Variants in PALM2AKAP2 observed in about 807,000 individuals in gnomAD.
PALM2AKAP2 encodes PALM2 and AKAP2 fusion.
Under a neutral mutation model 71.5 loss-of-function variants are expected in PALM2AKAP2, and 37 were observed. The observed-to-expected ratio is 0.52, with a 90% CI of 0.40 to 0.68. The LOEUF (loss-of-function observed/expected upper bound fraction) is 0.68, where lower values mean the gene tolerates loss of function less well. Among genes scored for constraint, PALM2AKAP2 ranks in the 30% least tolerant of loss-of-function variants. PALM2AKAP2 has a pLI of 0.00. For missense variants in PALM2AKAP2, 1,224 were observed against 1,191.8 expected (o/e 1.03, Z -0.40); for synonymous variants, 468 against 478.8 (o/e 0.98, Z 0.29).
At chr9:109,985,990 A>G (rs1685777144) in intron 6 of PALM2AKAP2, among the ~76,000 whole-genome samples, 1 of 152,160 alleles carries the variant, frequency 6.6e-6, no homozygotes, top group African/African-American at 2.4e-5. Flanking sequence ...CTCCCAGTTA[A>G]TCTGACATCT....
intron 1 of PALM2AKAP2, among the ~76,000 whole-genome samples, chr9:110,098,624 T>TA (rs1219148835): frequency 5.3e-5 from 8 of 151,132 alleles, no homozygotes; most frequent in Admixed American, 5.2e-4. Flanking sequence ...GAGATAGTTC[T>TA]AGAACTCAAG....
chr9:109,972,816 T>C (rs1287394220), intron 6 of PALM2AKAP2, among the ~76,000 whole-genome samples: 1 of 152,220 alleles, frequency 6.6e-6, no homozygotes, highest in Admixed American at 6.5e-5. Flanking sequence ...CTATATCTCC[T>C]GCACAATTGC....
At chr9:109,957,386 G>A (rs1386190498) in intron 6 of PALM2AKAP2, among the ~76,000 whole-genome samples, 1 of 152,186 alleles carries the variant, frequency 6.6e-6, no homozygotes, top group Non-Finnish European at 1.5e-5. Context: ...TGCCTCCTGG[G>A]CGTTAGCAAG....
At position 110,091,678 on chromosome 9, in the gene PALM2AKAP2, G is replaced by A. The variant is rs192145921; in HGVS notation, c.156+42823G>A. On this transcript the variant is annotated intron_variant, in intron 1 of 3. Transcript: ENST00000374525. Reference sequence around the variant, plus strand: ...GGGGTTTCACCGTGTTAGCCAGGATGGTCTTGATCTCCTGACCTCATGATC... The same window carrying A: ...GGGGTTTCACCGTGTTAGCCAGGATAGTCTTGATCTCCTGACCTCATGATC... 3.2e-3 allele frequency among the ~76,000 whole-genome samples: 493 copies of A among 152,030 alleles called. 1 individual carries two copies. Among genetic ancestry groups the A allele is most frequent in the Admixed American group, 6.6e-3 (101 of 15,292 alleles).
rs138862194 is a variant in PALM2AKAP2 at position 110,167,084 on chromosome 9, A to T, written c.2749-1315A>T. ...GGGAACTGCCCTTTATAAAACCATC[A>T]GGTCTGGTGAGACTTATTCACTATC... On this transcript the variant is annotated intron_variant, in intron 3 of 3. Coordinates refer to ENST00000374525, the Ensembl canonical transcript of PALM2AKAP2. 2.0e-3 allele frequency among the ~76,000 whole-genome samples: 312 copies of T among 152,304 alleles called. 3 individuals are homozygous for T. The highest frequency in any genetic ancestry group is 7.4e-3 in the African/African-American group (306 of 41,562).
intron 1 of PALM2AKAP2, among the ~76,000 whole-genome samples, chr9:110,095,223 ACT>A (rs1834808550): frequency 6.6e-6 from 1 of 152,214 alleles, no homozygotes; most frequent in African/African-American, 2.4e-5. Flanking sequence ...GGAACAAGGG[ACT>A]GCCAGAAAAC....
intron 1 of PALM2AKAP2, among the ~76,000 whole-genome samples, chr9:109,711,033 C>CACAA (rs1406449428): frequency 6.6e-6 from 1 of 152,104 alleles, no homozygotes; most frequent in East Asian, 1.9e-4. Context: ...CCATGATGAA[C>CACAA]ACAAGCATTA....
chr9:109,965,336 A>G (rs576369412), intron 6 of PALM2AKAP2, among the ~76,000 whole-genome samples: 1 of 152,346 alleles, frequency 6.6e-6, no homozygotes, highest in South Asian at 2.1e-4. Flanking sequence ...AAAAAACCCC[A>G]AGTGTCCATC....
intron 1 of PALM2AKAP2, among the ~76,000 whole-genome samples, chr9:110,098,113 A>G (rs1834905656): frequency 7.5e-6 from 1 of 134,040 alleles, no homozygotes. Flanking sequence ...TGGCAGCAGT[A>G]CAGTCCAGCT....
At chr9:109,777,095 C>A (rs904177412), upstream of PALM2AKAP2, among the ~76,000 whole-genome samples, 3 of 152,170 alleles carry the variant, frequency 2.0e-5, no homozygotes, top group African/African-American at 7.2e-5. Flanking sequence ...TCTTTACAAA[C>A]GATTTCTATT....
chr9:109,899,260 C>T (rs972515956), intron 3 of PALM2AKAP2, among the ~76,000 whole-genome samples: 1 of 152,188 alleles, frequency 6.6e-6, no homozygotes, highest in African/African-American at 2.4e-5. Flanking sequence ...ACCATGCACC[C>T]AGTTGCCCAA....
At chr9:109,813,273 G>A (rs1052339554) in intron 1 of PALM2AKAP2, among the ~76,000 whole-genome samples, 1 of 152,066 alleles carries the variant, frequency 6.6e-6, no homozygotes, top group African/African-American at 2.4e-5. Flanking sequence ...AGCTGAGAGA[G>A]CTACACAACA....
intron 6 of PALM2AKAP2, among the ~76,000 whole-genome samples, chr9:109,965,727 A>T (rs1831933061): frequency 6.6e-6 from 1 of 152,224 alleles, no homozygotes; most frequent in African/African-American, 2.4e-5. Context: ...AAATGGTATT[A>T]TGTATGTTTT....
At chr9:110,159,073 C>T (rs372296095) in intron 3 of PALM2AKAP2, among the ~76,000 whole-genome samples, 9 of 152,284 alleles carry the variant, frequency 5.9e-5, no homozygotes, top group African/African-American at 1.9e-4. Context: ...CCTAACCAAT[C>T]TGTGGCCCCT....
At chr9:109,943,560 C>G in intron 6 of PALM2AKAP2, 1 of 1,273,834 alleles carries the variant, frequency 7.9e-7, no homozygotes, top group Non-Finnish European at 1.1e-6. Context: ...TTGCTTTGAT[C>G]TCTCTCATTT....
At chr9:110,155,752 A>G (rs961502116) in intron 2 of PALM2AKAP2, among the ~76,000 whole-genome samples, 1 of 152,208 alleles carries the variant, frequency 6.6e-6, no homozygotes, top group African/African-American at 2.4e-5. Context: ...AACAAACTTC[A>G]TCCTTATTCA....
chr9:110,097,250 A>G (rs1002404222), intron 1 of PALM2AKAP2, among the ~76,000 whole-genome samples: 7 of 150,134 alleles, frequency 4.7e-5, no homozygotes, highest in African/African-American at 1.7e-4. Flanking sequence ...CACATGTTTC[A>G]GAGAGCACAG....
At chr9:109,963,103 T>C (rs1395374995) in intron 6 of PALM2AKAP2, among the ~76,000 whole-genome samples, 1 of 152,162 alleles carries the variant, frequency 6.6e-6, no homozygotes, top group Non-Finnish European at 1.5e-5. Context: ...TTTGCACTTG[T>C]TCTTGAAGAA....
At chr9:109,666,003 G>C (rs760224710) in intron 1 of PALM2AKAP2, among the ~76,000 whole-genome samples, 1 of 152,232 alleles carries the variant, frequency 6.6e-6, no homozygotes, top group Non-Finnish European at 1.5e-5. Context: ...AGCCAGGTAC[G>C]GGAGAGAATC....
Sources: allele counts gnomAD v4.1 joint callset (sites outside exome capture counted in the v4.1 genomes callset), GRCh38; gene constraint gnomAD v4.1.1; transcripts MANE v1.5; gene names NCBI Gene and HGNC (gene_info 2026-07-23, HGNC 2026-07-21).